MCTP2: variants seen among roughly 807,000 people sequenced by gnomAD.
MCTP2 encodes multiple C2 and transmembrane domain-containing protein 2.
MCTP2 carries 132 observed loss-of-function variants against 111.6 expected under a neutral mutation model. That is an observed-to-expected ratio of 1.18 (90% confidence interval 1.03 to 1.37). MCTP2 has a LOEUF of 1.37. MCTP2 is among the 40% of genes most tolerant of loss of function. MCTP2 has a pLI of 0.00. For synonymous variants in MCTP2, 395 were observed against 387.7 expected, an observed-to-expected ratio of 1.02 and a Z score of -0.22; for missense variants, 1,183 against 1,067.9, an observed-to-expected ratio of 1.11 and a Z score of -1.50.
chr15:94,419,041 T>A (rs1309649294), intron 17 of MCTP2, among the ~76,000 whole-genome samples: 2 of 152,198 alleles, frequency 1.3e-5, no homozygotes, highest in Non-Finnish European at 2.9e-5. Context: ...ATAGTTATAC[T>A]GTGAAACTGA....
intron 1 of MCTP2, among the ~76,000 whole-genome samples, chr15:94,263,186 T>C (rs1289915181): frequency 6.6e-6 from 1 of 152,182 alleles, no homozygotes; most frequent in Non-Finnish European, 1.5e-5. Flanking sequence ...TAAACCTGTT[T>C]AGTAAGCAGA....
At chr15:94,470,171 A>C (rs534094250) in intron 20 of MCTP2, among the ~76,000 whole-genome samples, 162 bp from the exon 21 acceptor site, 12 of 152,322 alleles carry the variant, frequency 7.9e-5, no homozygotes, top group African/African-American at 2.4e-4. Context: ...TCCAGTACCC[A>C]ATCATTTTGG....
chr15:94,467,441 A>G (rs1275655695), intron 20 of MCTP2, among the ~76,000 whole-genome samples: 1 of 152,198 alleles, frequency 6.6e-6, no homozygotes, highest in Non-Finnish European at 1.5e-5. Flanking sequence ...AATATGACCA[A>G]TGGAATATAA....
intron 1 of MCTP2, among the ~76,000 whole-genome samples, chr15:94,277,173 T>C (rs570456167): frequency 6.6e-6 from 1 of 152,242 alleles, no homozygotes; most frequent in East Asian, 1.9e-4. Context: ...TATAATACAA[T>C]ACTAATAACT....
chr15:94,402,292 T>G, intron 17 of MCTP2: 2 of 985,258 alleles, frequency 2.0e-6, no homozygotes, highest in Non-Finnish European at 2.4e-6. Flanking sequence ...TTGTGTGTAT[T>G]TTTTTTCTTT....
chr15:94,239,373 C>T (rs1466097352), intron 1 of MCTP2, among the ~76,000 whole-genome samples: 1 of 152,176 alleles, frequency 6.6e-6, no homozygotes, highest in Non-Finnish European at 1.5e-5. Flanking sequence ...CTCAGGAGTG[C>T]TGCAGGCTCA....
rs754276492 is a variant in MCTP2, at chr15:94,339,386, T to C, written c.734T>C (p.Ile245Thr). The change falls in exon 5 of 23, where the codon ATA (isoleucine) becomes ACA (threonine). Residue 245 changes from isoleucine (I) to threonine (T), a missense_variant. Transcript: ENST00000357742. ...YKNLNPVWDEIVVLPIQSLDQ... is the reference protein window; with the variant it reads ...YKNLNPVWDETVVLPIQSLDQ... The stretch of plus-strand genomic sequence containing the variant: ...AACTTGAACCCAGTATGGGATGAGA[T>C]AGTTGTATTGCCAATCCAAAGCCTT... 3 of 1,611,604 alleles carry C rather than the reference T, an allele frequency of 1.9e-6. No individual in the cohort carries two copies. Among genetic ancestry groups the C allele is most frequent in the East Asian group, 2.2e-5 (1 of 44,862 alleles).
chr15:94,429,714 A>G (rs1048006096), intron 17 of MCTP2, among the ~76,000 whole-genome samples: 3 of 152,220 alleles, frequency 2.0e-5, no homozygotes, highest in Non-Finnish European at 4.4e-5. Context: ...ATCCAGTCTG[A>G]TATCTTTAAA....
Position 94,438,456 on chromosome 15 carries a change from A to G in MCTP2, c.2086-1720A>G, listed in dbSNP as rs113819425. Among the ~76,000 whole-genome samples the G allele has an allele frequency of 9.3e-3, 1,422 of 152,286 alleles. 18 individuals are homozygous for G. The highest frequency in any genetic ancestry group is 0.032 in the African/African-American group (1,349 of 41,572). On this transcript the variant is annotated intron_variant, in intron 17 of 22. Transcript: ENST00000357742. The stretch of plus-strand genomic sequence containing the variant: ...CGAGCGTCTATGCAAAACATCTTTA[A>G]GTGTTAGAAAATAAAATACAGCAAT...
chr15:94,355,859 C>G (rs1421724557), intron 8 of MCTP2: 10 of 964,582 alleles, frequency 1.0e-5, no homozygotes, highest in Non-Finnish European at 1.2e-5. Flanking sequence ...TGAAGGAGTC[C>G]CACCAAAGAG....
intron 17 of MCTP2, among the ~76,000 whole-genome samples, chr15:94,436,982 A>G (rs926467677): frequency 2.6e-5 from 4 of 151,706 alleles, no homozygotes; most frequent in African/African-American, 9.7e-5. Flanking sequence ...TTTATTTTAT[A>G]AAAAAAGAAA....
intron 2 of MCTP2, among the ~76,000 whole-genome samples, chr15:94,304,956 G>A (rs2075812362): frequency 6.6e-6 from 1 of 152,088 alleles, no homozygotes; most frequent in East Asian, 1.9e-4. Flanking sequence ...TTCATTAATT[G>A]TAAGGCTGAT....
chr15:94,343,496 C>T (rs1407465087), intron 7 of MCTP2: 3 of 152,136 alleles, frequency 2.0e-5, no homozygotes, highest in Admixed American at 2.0e-4. Context: ...ACAAAAATCT[C>T]AGTATGTACA....
rs2075375457 is a variant in MCTP2 at position 94,298,427 on chromosome 15, T to C, written c.162T>C (p.Asp54=). The C allele has an allele frequency of 5.0e-6, 8 of 1,614,032 alleles. No homozygotes were observed. Among genetic ancestry groups the C allele is most frequent in the East Asian group, 2.2e-5 (1 of 44,884 alleles). The change falls in exon 2 of 23, where the codon GAT becomes GAC. Residue 54 remains aspartate, a synonymous_variant. Transcript: ENST00000357742. ...GCCGTCTCAGCCTCTCTGTGCCTGA[T>C]CTCCTGGAGGCTGAGGCCTTGGCCC... ...LDRRLSLSVP[D]LLEAEALAPE...
intron 1 of MCTP2, among the ~76,000 whole-genome samples, chr15:94,282,359 T>C (rs2074531183): frequency 6.6e-6 from 1 of 152,242 alleles, no homozygotes; most frequent in Non-Finnish European, 1.5e-5. Context: ...CCAATTGCAA[T>C]CCAATTTCTG....
intron 7 of MCTP2, 45 bp downstream of exon 7, chr15:94,340,969 T>G (rs1184882833): frequency 8.0e-7 from 1 of 1,255,746 alleles, no homozygotes; most frequent in Admixed American, 1.7e-5. Context: ...ATTTTGTCGT[T>G]TTGAAATGGC....
intron 19 of MCTP2, among the ~76,000 whole-genome samples, chr15:94,457,349 T>C (rs2084896584): frequency 6.6e-6 from 1 of 152,228 alleles, no homozygotes; most frequent in Non-Finnish European, 1.5e-5. Flanking sequence ...GTTAGTTACC[T>C]GGCATGGTAA....
chr15:94,335,393 T>C (rs1445133743), intron 4 of MCTP2, among the ~76,000 whole-genome samples: 1 of 152,254 alleles, frequency 6.6e-6, no homozygotes, highest in Non-Finnish European at 1.5e-5. Context: ...AAGCCGTAAA[T>C]ACAACTTAGG....
Position 94,240,890 on chromosome 15 carries a change from T to C in MCTP2, c.-66+9226T>C, listed in dbSNP as rs978200953. Among the ~76,000 whole-genome samples the C allele has an allele frequency of 2.6e-5, 4 of 152,214 alleles. No individual in the cohort carries two copies. The East Asian group carries it at 7.7e-4, about 29-fold the overall frequency. ...TTGAATGATTGTAACCTTTTAAATA[T>C]ATACAGATGTTGGCATTTCAAAACC... On this transcript the variant is annotated intron_variant, in intron 1 of 22. Coordinates refer to ENST00000357742, the MANE Select transcript of MCTP2 (RefSeq NM_001385001.1).
Sources: allele counts gnomAD v4.1 joint callset (sites outside exome capture counted in the v4.1 genomes callset), GRCh38; gene constraint gnomAD v4.1.1; transcripts MANE v1.5; gene names NCBI Gene and HGNC (gene_info 2026-07-23, HGNC 2026-07-21).